Variants in ADIPOR2 observed in about 807,000 individuals in gnomAD.
The protein encoded by ADIPOR2 is adiponectin receptor protein 2.
ADIPOR2 carries 18 observed loss-of-function variants against 40.9 expected under a neutral mutation model. The observed-to-expected ratio is 0.44, with a 90% CI of 0.30 to 0.65. The LOEUF is 0.65. Ranked by LOEUF, ADIPOR2 falls within the 30% of genes least tolerant of loss-of-function variation. The pLI is 0.09. For synonymous variants in ADIPOR2, 165 were observed against 166.4 expected (o/e 0.99, Z 0.06); for missense variants, 283 against 479.2 (o/e 0.59, Z 3.82).
chr12:1,727,828 G>A (rs1302952176), intron 1 of ADIPOR2, among the ~76,000 whole-genome samples: 1 of 151,244 alleles, frequency 6.6e-6, no homozygotes, highest in South Asian at 2.1e-4. Context: ...AGGCCTGGCT[G>A]CAGATGCCCG....
chr12:1,723,332 T>C (rs1411423967), intron 1 of ADIPOR2, among the ~76,000 whole-genome samples: 1 of 151,850 alleles, frequency 6.6e-6, no homozygotes, highest in Non-Finnish European at 1.5e-5. Context: ...AATAATTCCT[T>C]CTAAAAATGT....
chr12:1,707,659 A>C (rs1402802213), intron 1 of ADIPOR2, among the ~76,000 whole-genome samples: 1 of 152,040 alleles, frequency 6.6e-6, no homozygotes, highest in African/African-American at 2.4e-5. Context: ...TTTTATGTAG[A>C]GATGAGATCT....
At chr12:1,735,474 A>G (rs981574518) in intron 1 of ADIPOR2, among the ~76,000 whole-genome samples, 58 of 152,336 alleles carry the variant, frequency 3.8e-4, no homozygotes, top group African/African-American at 1.4e-3. Flanking sequence ...GAAGTTGCCT[A>G]TCAGCTTAAG....
chr12:1,758,870 T>A (rs1862207246), intron 2 of ADIPOR2, among the ~76,000 whole-genome samples: 1 of 152,234 alleles, frequency 6.6e-6, no homozygotes, highest in African/African-American at 2.4e-5. Flanking sequence ...TTCTCAAAAC[T>A]ATACTCTGAA....
intron 1 of ADIPOR2, chr12:1,695,680 A>AG (rs2094637177): frequency 6.6e-6 from 1 of 151,380 alleles, no homozygotes; most frequent in Non-Finnish European, 1.5e-5. Context: ...AAAAAAAAAA[A>AG]ATGACGAAAC....
intron 1 of ADIPOR2, among the ~76,000 whole-genome samples, chr12:1,692,562 A>C (rs1235761543): frequency 6.6e-6 from 1 of 152,150 alleles, no homozygotes; most frequent in Non-Finnish European, 1.5e-5. Context: ...TCCTATCTAG[A>C]CTTTGGTCTG....
intron 2 of ADIPOR2, among the ~76,000 whole-genome samples, chr12:1,764,231 A>G (rs1481942606): frequency 2.0e-5 from 3 of 152,174 alleles, no homozygotes; most frequent in Non-Finnish European, 2.9e-5. Flanking sequence ...CACTATATTA[A>G]TACTTTTTTG....
intron 3 of ADIPOR2, among the ~76,000 whole-genome samples, chr12:1,775,752 C>T (rs1334005017): frequency 1.3e-5 from 2 of 152,188 alleles, no homozygotes; most frequent in East Asian, 3.9e-4. Context: ...AAATTTGATG[C>T]AAAAAATTCA....
intron 2 of ADIPOR2, among the ~76,000 whole-genome samples, chr12:1,769,023 G>C (rs1351665991): frequency 6.6e-6 from 1 of 152,192 alleles, no homozygotes; most frequent in Middle Eastern, 3.2e-3. Flanking sequence ...TAAGGAGTAT[G>C]ACAACAGAAG....
intron 1 of ADIPOR2, among the ~76,000 whole-genome samples, chr12:1,703,815 G>C (rs1289177352): frequency 6.6e-6 from 1 of 152,062 alleles, no homozygotes; most frequent in African/African-American, 2.4e-5. Flanking sequence ...CAGGGCTCAA[G>C]TAATCCCACC....
chr12:1,743,241 A>AAAAAAC, intron 1 of ADIPOR2, among the ~76,000 whole-genome samples: 1 of 121,902 alleles, frequency 8.2e-6, no homozygotes, highest in Non-Finnish European at 1.7e-5. Flanking sequence ...AAAAAAAAAA[A>AAAAAAC]AAAAACAAAG....
At chr12:1,759,544 A>T (rs1041464153) in intron 2 of ADIPOR2, among the ~76,000 whole-genome samples, 2 of 152,198 alleles carry the variant, frequency 1.3e-5, no homozygotes. Flanking sequence ...ATCTTTTTGT[A>T]CAAGTCTTTA....
chr12:1,787,033 C>T lies in ADIPOR2; in HGVS notation c.*961C>T, dbSNP rs1862852094. On this transcript the variant is annotated 3_prime_UTR_variant, in exon 8 of 8. Coordinates refer to ENST00000357103, the MANE Select transcript of ADIPOR2 (RefSeq NM_024551.3). Reference sequence around the variant, plus strand: ...GATCTGATTACTTCCTGGCATCCCGCTCACTTTTATGGGAAGTCTTATTAG... The same window carrying T: ...GATCTGATTACTTCCTGGCATCCCGTTCACTTTTATGGGAAGTCTTATTAG... The T allele has an allele frequency of 6.6e-6, 1 of 152,226 alleles. No homozygotes were observed. Among genetic ancestry groups the T allele is most frequent in the African/African-American group, 2.4e-5 (1 of 41,448 alleles). The allele number at this position is 152,226 out of a possible 1,614,324, so 9.4% of individuals were successfully genotyped here.
chr12:1,692,250 G>T (rs528678254), intron 1 of ADIPOR2, among the ~76,000 whole-genome samples: 1 of 152,128 alleles, frequency 6.6e-6, no homozygotes, highest in Admixed American at 6.5e-5. Flanking sequence ...TTATTTTTTG[G>T]GGGGAGGCTA....
intron 4 of ADIPOR2, 44 bp from the exon 5 acceptor site, chr12:1,780,407 C>G: frequency 6.6e-7 from 1 of 1,521,248 alleles, no homozygotes; most frequent in Non-Finnish European, 8.9e-7. Context: ...ACTGTCTCTT[C>G]TAAAGGGTGA....
chr12:1,740,594 CAT>C (rs1336917762), intron 1 of ADIPOR2, among the ~76,000 whole-genome samples: 1 of 152,210 alleles, frequency 6.6e-6, no homozygotes, highest in East Asian at 1.9e-4. Flanking sequence ...TAGGACTTAA[CAT>C]ATGAATTTTG....
intron 1 of ADIPOR2, among the ~76,000 whole-genome samples, chr12:1,702,073 G>A (rs1024967079): frequency 6.6e-6 from 1 of 152,108 alleles, no homozygotes; most frequent in Non-Finnish European, 1.5e-5. Flanking sequence ...AGTGAGCCGA[G>A]ATCACGCCAT....
intron 1 of ADIPOR2, chr12:1,696,930 C>G (rs7132033): frequency 0.27 from 41,009 of 152,848 alleles, 6,116 homozygotes; most frequent in Admixed American, 0.44. Flanking sequence ...CCCTAAAGTT[C>G]TTGTCCATAA....
At chr12:1,703,284 G>A (rs887276448) in intron 1 of ADIPOR2, among the ~76,000 whole-genome samples, 1 of 152,078 alleles carries the variant, frequency 6.6e-6, no homozygotes, top group African/African-American at 2.4e-5. Flanking sequence ...ATCTTACAGT[G>A]CAAAATTTTT....
Sources: gnomAD v4.1 joint callset for allele counts (sites outside exome capture counted in the v4.1 genomes callset) on GRCh38, gnomAD v4.1.1 for gene constraint, MANE v1.5 for transcripts, NCBI Gene and HGNC (gene_info 2026-07-23, HGNC 2026-07-21) for gene names.